The following COA1 variants were observed in gnomAD, a reference collection of about 807,000 sequenced individuals.
COA1 encodes the protein cytochrome c oxidase assembly factor 1, also known as cytochrome c oxidase assembly factor 1 homolog.
A neutral mutation model predicts 16.0 loss-of-function variants in COA1; 13 were observed. The ratio of observed to expected loss-of-function variants is 0.81; its 90% CI spans 0.53 to 1.29. The LOEUF (loss-of-function observed/expected upper bound fraction) is 1.29. Ranked by LOEUF, COA1 falls within the 50% of genes most tolerant of loss-of-function variation. The pLI, the probability that COA1 is intolerant of heterozygous loss-of-function variation, is 0.00. For synonymous variants in COA1, 65 were observed against 65.7 expected, an observed-to-expected ratio of 0.99 and a Z score of 0.05; for missense variants, 179 against 177.0, an observed-to-expected ratio of 1.01 and a Z score of -0.06.
intron 1 of COA1, among the ~76,000 whole-genome samples, chr7:43,663,030 C>G (rs993236421): frequency 6.6e-6 from 1 of 152,162 alleles, no homozygotes; most frequent in Non-Finnish European, 1.5e-5. Context: ...GGAGGTGGGG[C>G]TTGGTGGGAG....
At chr7:43,666,113 T>C (rs1464410960) in intron 1 of COA1, among the ~76,000 whole-genome samples, 1 of 152,248 alleles carries the variant, frequency 6.6e-6, no homozygotes, top group South Asian at 2.1e-4. Context: ...GGACATCTTT[T>C]AGCTCATCTT....
chr7:43,700,901 A>G (rs1301302211), intron 1 of COA1, among the ~76,000 whole-genome samples: 1 of 152,090 alleles, frequency 6.6e-6, no homozygotes, highest in Non-Finnish European at 1.5e-5. Context: ...TGCCATAAAC[A>G]AAGCATTTTG....
intron 3 of COA1, chr7:43,646,454 C>T (rs758829504): frequency 2.4e-6 from 1 of 421,560 alleles, no homozygotes; most frequent in Non-Finnish European, 4.9e-6. Flanking sequence ...AATAAGGTAA[C>T]TAATGCCCAG....
At chr7:43,694,755 C>T (rs1163794067) in intron 1 of COA1, among the ~76,000 whole-genome samples, 2 of 152,200 alleles carry the variant, frequency 1.3e-5, no homozygotes, top group Non-Finnish European at 2.9e-5. Context: ...TGGCTTTAAG[C>T]CACTCCTCTA....
chr7:43,630,946 A>G (rs1288888488), intron 6 of COA1, among the ~76,000 whole-genome samples: 2 of 152,128 alleles, frequency 1.3e-5, no homozygotes, highest in African/African-American at 2.4e-5. Context: ...ATTGAGATCT[A>G]TGTCAGACAA....
At chr7:43,637,957 A>G (rs565519691), downstream of COA1, among the ~76,000 whole-genome samples, 1 of 152,212 alleles carries the variant, frequency 6.6e-6, no homozygotes, top group Non-Finnish European at 1.5e-5. Context: ...GAAGCACCAC[A>G]TAAATTCACA....
chr7:43,624,897 T>G, intron 6 of COA1: 1 of 1,456,742 alleles, frequency 6.9e-7, no homozygotes, highest in Non-Finnish European at 9.2e-7. Flanking sequence ...TTAATATTAT[T>G]TATGGACCTC....
At chr7:43,635,420 C>T (rs1018356143), downstream of COA1, among the ~76,000 whole-genome samples, 2 of 152,184 alleles carry the variant, frequency 1.3e-5, no homozygotes, top group African/African-American at 2.4e-5. Context: ...CCTTATGCTC[C>T]GTGTCCCACT....
chr7:43,633,662 A>C (rs1173360339), intron 6 of COA1, among the ~76,000 whole-genome samples: 1 of 152,200 alleles, frequency 6.6e-6, no homozygotes, highest in South Asian at 2.1e-4. Context: ...GCACCAAAAG[A>C]CTTGCTCGAC....
At chr7:43,682,687 C>T (rs975510115) in intron 1 of COA1, among the ~76,000 whole-genome samples, 1 of 151,768 alleles carries the variant, frequency 6.6e-6, no homozygotes, top group South Asian at 2.1e-4. Context: ...TCTACTCTAT[C>T]GAGTAAACAC....
At chr7:43,656,686 T>C (rs117558805) in intron 1 of COA1, among the ~76,000 whole-genome samples, 7,275 of 152,174 alleles carry the variant, frequency 0.048, 249 homozygotes, top group South Asian at 0.084. Flanking sequence ...CAGAGCGAGA[T>C]TCCATCTCAA....
intron 1 of COA1, among the ~76,000 whole-genome samples, chr7:43,723,870 T>C (rs967043623): frequency 6.6e-6 from 1 of 152,214 alleles, no homozygotes; most frequent in African/African-American, 2.4e-5. Flanking sequence ...AAGGCTGCAC[T>C]GAGCCATGTT....
downstream of COA1, among the ~76,000 whole-genome samples, chr7:43,636,432 G>GTGAT (rs1554493569): frequency 1.3e-5 from 2 of 152,202 alleles, no homozygotes; most frequent in African/African-American, 2.4e-5. Flanking sequence ...TGTAAGGCAA[G>GTGAT]TGATTGGTAA....
chr7:43,662,356 A>G (rs1026558366), intron 1 of COA1, among the ~76,000 whole-genome samples: 4 of 152,152 alleles, frequency 2.6e-5, no homozygotes, highest in African/African-American at 9.7e-5. Flanking sequence ...CAGCCTCCCA[A>G]ATAGCTGGGA....
intron 4 of COA1, chr7:43,641,021 T>C (rs1467622691): frequency 5.9e-6 from 1 of 170,466 alleles, no homozygotes; most frequent in Non-Finnish European, 1.2e-5. Context: ...AGGAGGAGTA[T>C]ACAAGTATTT....
chr7:43,679,352 A>T (rs2093669327), intron 1 of COA1, among the ~76,000 whole-genome samples: 1 of 152,098 alleles, frequency 6.6e-6, no homozygotes, highest in East Asian at 1.9e-4. Flanking sequence ...ACTCAGCATG[A>T]AAAGCAAGTT....
intron 1 of COA1, among the ~76,000 whole-genome samples, chr7:43,670,779 A>C (rs1157958626): frequency 1.3e-5 from 2 of 152,180 alleles, no homozygotes; most frequent in Non-Finnish European, 2.9e-5. Flanking sequence ...ATATCTTTTC[A>C]TTCTCCACTA....
chr7:43,677,480 C>T (rs1253088535), intron 1 of COA1, among the ~76,000 whole-genome samples: 3 of 152,142 alleles, frequency 2.0e-5, no homozygotes, highest in Non-Finnish European at 4.4e-5. Flanking sequence ...TTTAATGATT[C>T]CCATATCCTT....
At chr7:43,635,041 CTCTT>C (rs1215421262), downstream of COA1, among the ~76,000 whole-genome samples, 2 of 152,070 alleles carry the variant, frequency 1.3e-5, no homozygotes, top group African/African-American at 4.8e-5. Flanking sequence ...AGTGTGTCTA[CTCTT>C]TCTTGTTTCT....
Sources: allele counts gnomAD v4.1 joint callset (sites outside exome capture counted in the v4.1 genomes callset), GRCh38; gene constraint gnomAD v4.1.1; transcripts MANE v1.5; gene names NCBI Gene and HGNC (gene_info 2026-07-23, HGNC 2026-07-21).